Variants in SEZ6L observed in about 807,000 individuals in gnomAD.
SEZ6L encodes seizure 6-like protein.
In SEZ6L, 37 loss-of-function variants were observed where a neutral mutation model predicts 106.2. The observed-to-expected ratio is 0.35, with a 90% CI of 0.27 to 0.46. The LOEUF is 0.46. Among genes scored for constraint, SEZ6L ranks in the 20% least tolerant of loss-of-function variants. The probability of loss-of-function intolerance (pLI) is 1.00; values close to 1 mark genes in which losing one functional copy is unlikely to be tolerated. For missense variants in SEZ6L, 1,172 were observed against 1,332.8 expected, an observed-to-expected ratio of 0.88 and a Z score of 1.88; for synonymous variants, 541 against 570.4, an observed-to-expected ratio of 0.95 and a Z score of 0.73.
chr22:26,268,845 T>A (rs551301149), intron 1 of SEZ6L, among the ~76,000 whole-genome samples: 1 of 152,278 alleles, frequency 6.6e-6, no homozygotes, highest in East Asian at 1.9e-4. Flanking sequence ...CAGTGGCCTA[T>A]GGAAAATTTC....
intron 1 of SEZ6L, among the ~76,000 whole-genome samples, chr22:26,180,842 GT>G (rs1460199315): frequency 6.6e-6 from 1 of 152,220 alleles, no homozygotes; most frequent in Non-Finnish European, 1.5e-5. Flanking sequence ...TCCATGCATG[GT>G]TTTGGTAACC....
At chr22:26,378,578 T>C (rs1316926010) in intron 16 of SEZ6L, among the ~76,000 whole-genome samples, 3 of 152,202 alleles carry the variant, frequency 2.0e-5, no homozygotes, top group Non-Finnish European at 4.4e-5. Flanking sequence ...GGAGAATGTA[T>C]AATGGGGACA....
chr22:26,198,874 G>C (rs993122621), intron 1 of SEZ6L, among the ~76,000 whole-genome samples: 1 of 152,218 alleles, frequency 6.6e-6, no homozygotes, highest in Non-Finnish European at 1.5e-5. Context: ...ATTAGCTGGA[G>C]ATGTGGCCAC....
chr22:26,238,093 C>A (rs1353094626), intron 1 of SEZ6L, among the ~76,000 whole-genome samples: 7 of 152,142 alleles, frequency 4.6e-5, no homozygotes, highest in Admixed American at 4.6e-4. Flanking sequence ...AGTGGATGAA[C>A]AGAGGTCGGG....
chr22:26,269,208 C>A (rs990021475), intron 1 of SEZ6L, among the ~76,000 whole-genome samples: 18 of 152,192 alleles, frequency 1.2e-4, no homozygotes, highest in African/African-American at 4.3e-4. Flanking sequence ...AGGCTTGTGA[C>A]TCACCTGGAG....
At chr22:26,288,837 GCTCTCTCTCTC>G (rs951718720) in intron 1 of SEZ6L, among the ~76,000 whole-genome samples, 1 of 151,886 alleles carries the variant, frequency 6.6e-6, no homozygotes, top group East Asian at 1.9e-4. Context: ...TTCCAATCTT[GCTCTCTCTCTC>G]CTCTCTCTCA....
At chr22:26,255,988 T>A (rs7284562) in intron 1 of SEZ6L, among the ~76,000 whole-genome samples, 19,801 of 152,050 alleles carry the variant, frequency 0.13, 1,728 homozygotes, top group East Asian at 0.35. Flanking sequence ...AAGGGAGTGA[T>A]GGTTAAGCTG....
chr22:26,369,936 A>G (rs1365754746), intron 13 of SEZ6L, among the ~76,000 whole-genome samples: 2 of 152,052 alleles, frequency 1.3e-5, no homozygotes, highest in Non-Finnish European at 2.9e-5. Flanking sequence ...TTTTGATAGC[A>G]CAGGAAACCT....
chr22:26,227,414 G>A (rs2078666032), intron 1 of SEZ6L, among the ~76,000 whole-genome samples: 1 of 152,050 alleles, frequency 6.6e-6, no homozygotes, highest in African/African-American at 2.4e-5. Flanking sequence ...ATAGGGCTTT[G>A]TTTTATTTTT....
At chr22:26,188,836 G>A (rs1430686340) in intron 1 of SEZ6L, among the ~76,000 whole-genome samples, 1 of 152,164 alleles carries the variant, frequency 6.6e-6, no homozygotes, top group East Asian at 1.9e-4. Flanking sequence ...CTAAGGGCCA[G>A]CATCAGTATT....
At chr22:26,310,534 C>CA (rs35444510) in intron 6 of SEZ6L, 136 bp from the exon 7 acceptor site, 189,011 of 894,432 alleles carry the variant, frequency 0.21, 14,715 homozygotes, top group African/African-American at 0.25. Flanking sequence ...GAAACTCTGT[C>CA]AAAAAAAAAG....
At chr22:26,207,531 T>C (rs1445800039) in intron 1 of SEZ6L, among the ~76,000 whole-genome samples, 2 of 152,246 alleles carry the variant, frequency 1.3e-5, no homozygotes, top group East Asian at 3.8e-4. Flanking sequence ...AAGGTGTTTA[T>C]TGATATGGGT....
chr22:26,356,047 G>A (rs1246685765), intron 12 of SEZ6L, among the ~76,000 whole-genome samples: 1 of 152,230 alleles, frequency 6.6e-6, no homozygotes, highest in Non-Finnish European at 1.5e-5. Flanking sequence ...AAGAAGGATT[G>A]TTGGGAGCAA....
chr22:26,381,105 A>C lies in SEZ6L; in HGVS notation c.*810A>C, dbSNP rs1436753463. The C allele has an allele frequency of 6.6e-6, 1 of 152,060 alleles. No individual in the cohort carries two copies. Among genetic ancestry groups the C allele is most frequent in the Non-Finnish European group, 1.5e-5 (1 of 68,016 alleles). The allele number at this position is 152,060 out of a possible 1,614,324, so 9.4% of individuals were successfully genotyped here. ...TCTTTCAATGATGAAAGAGCGTGTA[A>C]TTTATGCTACAAGTGCCAGAATCGA... On this transcript the variant is annotated 3_prime_UTR_variant, in exon 17 of 17. Transcript: ENST00000248933.
intron 1 of SEZ6L, among the ~76,000 whole-genome samples, chr22:26,214,927 T>A (rs1027966483): frequency 6.6e-6 from 1 of 151,894 alleles, no homozygotes; most frequent in Non-Finnish European, 1.5e-5. Flanking sequence ...TTAGAGTGCC[T>A]GGCATATGAC....
chr22:26,327,182 G>A (rs1445674106), intron 9 of SEZ6L, among the ~76,000 whole-genome samples: 3 of 151,880 alleles, frequency 2.0e-5, no homozygotes, highest in Non-Finnish European at 2.9e-5. Flanking sequence ...CTCTGCACAC[G>A]TGCGTGTCTG....
intron 14 of SEZ6L, 68 bp downstream of exon 14, chr22:26,373,551 C>T: frequency 1.7e-6 from 2 of 1,151,810 alleles, no homozygotes; most frequent in South Asian, 1.4e-5. Context: ...AAGGGCAGGT[C>T]TTTGAATATC....
At chr22:26,279,704 C>T (rs563508102) in intron 1 of SEZ6L, among the ~76,000 whole-genome samples, 31 of 152,168 alleles carry the variant, frequency 2.0e-4, no homozygotes, top group Non-Finnish European at 4.0e-4. Flanking sequence ...TGCACAGCTA[C>T]GTTCAGAATT....
chr22:26,211,919 C>T (rs981673537), intron 1 of SEZ6L, among the ~76,000 whole-genome samples: 2 of 151,480 alleles, frequency 1.3e-5, no homozygotes, highest in Non-Finnish European at 2.9e-5. Context: ...AAATTCATGC[C>T]CACCCAAAAT....
Sources: gnomAD v4.1 joint callset for allele counts (sites outside exome capture counted in the v4.1 genomes callset) on GRCh38, gnomAD v4.1.1 for gene constraint, MANE v1.5 for transcripts, NCBI Gene and HGNC (gene_info 2026-07-23, HGNC 2026-07-21) for gene names.